The following SULF1 variants were observed in gnomAD, a reference collection of about 807,000 sequenced individuals.
The protein encoded by SULF1 is extracellular sulfatase Sulf-1.
In SULF1, 46 loss-of-function variants were observed where a neutral mutation model predicts 110.5. That is an observed-to-expected ratio of 0.42 (90% CI 0.33 to 0.53). The LOEUF is 0.53. Among genes scored for constraint, SULF1 ranks in the 20% least tolerant of loss-of-function variants. The probability of loss-of-function intolerance (pLI) is 0.12; values close to 1 mark genes in which losing one functional copy is unlikely to be tolerated. For missense variants in SULF1, 941 were observed against 1,094.2 expected, an observed-to-expected ratio of 0.86 and a Z score of 1.98; for synonymous variants, 371 against 387.1, an observed-to-expected ratio of 0.96 and a Z score of 0.49.
intron 19 of SULF1, among the ~76,000 whole-genome samples, chr8:69,632,732 C>T (rs996849998): frequency 1.3e-5 from 2 of 151,914 alleles, no homozygotes; most frequent in African/African-American, 2.4e-5. Flanking sequence ...TGAAAATATA[C>T]AAAATAAAAA....
At chr8:69,629,731 C>T (rs1810375553) in intron 19 of SULF1, 52 bp downstream of exon 19, 2 of 1,448,774 alleles carry the variant, frequency 1.4e-6, no homozygotes, top group Non-Finnish European at 1.9e-6. Flanking sequence ...GAGACAGCGA[C>T]TCATAACTTA....
At chr8:69,494,592 A>G (rs1810195038) in intron 1 of SULF1, among the ~76,000 whole-genome samples, 1 of 152,236 alleles carries the variant, frequency 6.6e-6, no homozygotes, top group Non-Finnish European at 1.5e-5. Context: ...TCAACACTAA[A>G]TTCTATACTT....
intron 8 of SULF1, among the ~76,000 whole-genome samples, chr8:69,597,858 C>A (rs1807463932): frequency 6.6e-6 from 1 of 152,132 alleles, no homozygotes; most frequent in Non-Finnish European, 1.5e-5. Context: ...TTTCTCAGGG[C>A]ATGTAATGGT....
intron 13 of SULF1, among the ~76,000 whole-genome samples, chr8:69,612,490 T>C (rs145504617): frequency 7.6e-4 from 112 of 147,882 alleles, no homozygotes; most frequent in African/African-American, 2.7e-3. Flanking sequence ...GTGTTCCTTT[T>C]TGCCACATTC....
At chr8:69,644,520 T>A (rs1563626054) in intron 22 of SULF1, among the ~76,000 whole-genome samples, 1 of 151,724 alleles carries the variant, frequency 6.6e-6, no homozygotes, top group Non-Finnish European at 1.5e-5. Context: ...AATTGATCAC[T>A]CTCCCAGAAC....
chr8:69,576,344 T>A (rs1805610227), intron 6 of SULF1, 135 bp downstream of exon 6: 1 of 1,005,050 alleles, frequency 9.9e-7, no homozygotes, highest in Non-Finnish European at 1.5e-6. Flanking sequence ...CTGCTTGACA[T>A]CTACCCCAGG....
intron 21 of SULF1, among the ~76,000 whole-genome samples, chr8:69,639,849 C>T (rs1811326259): frequency 6.6e-6 from 1 of 152,158 alleles, no homozygotes; most frequent in African/African-American, 2.4e-5. Context: ...ATCTCCTTTC[C>T]ACTGCAGGGT....
chr8:69,491,339 T>G (rs1435050865), upstream of SULF1, among the ~76,000 whole-genome samples: 1 of 152,220 alleles, frequency 6.6e-6, no homozygotes, highest in Non-Finnish European at 1.5e-5. Flanking sequence ...GAGCTGCTGT[T>G]GTGATAGCAC....
At chr8:69,560,125 G>A (rs931392346) in intron 3 of SULF1, among the ~76,000 whole-genome samples, 1 of 152,142 alleles carries the variant, frequency 6.6e-6, no homozygotes, top group African/African-American at 2.4e-5. Flanking sequence ...TTTGGACATT[G>A]CTGCTGTGGA....
intron 19 of SULF1, among the ~76,000 whole-genome samples, chr8:69,630,335 C>T (rs189054784): frequency 6.6e-6 from 1 of 152,290 alleles, no homozygotes; most frequent in Admixed American, 6.5e-5. Flanking sequence ...TATAGTACAT[C>T]CTCTGATTGA....
At chr8:69,642,314 CA>C (rs1255807059) in intron 22 of SULF1, 12 of 987,058 alleles carry the variant, frequency 1.2e-5, no homozygotes, top group Non-Finnish European at 1.4e-5. Context: ...GTCATTAGTC[CA>C]CCAAGAAGCC....
intron 16 of SULF1, 24 bp from the exon 17 acceptor site, chr8:69,627,748 A>G: frequency 2.7e-6 from 4 of 1,489,024 alleles, no homozygotes; most frequent in South Asian, 1.2e-5. Context: ...TTAATACGTA[A>G]GTGCTTGAAA....
intron 1 of SULF1, among the ~76,000 whole-genome samples, chr8:69,486,878 A>G (rs1809735538): frequency 6.6e-6 from 1 of 152,202 alleles, no homozygotes; most frequent in Admixed American, 6.5e-5. Context: ...ATAAGGTATT[A>G]CTACTGTTGT....
chr8:69,602,196 C>T (rs1807879048), intron 10 of SULF1, among the ~76,000 whole-genome samples: 1 of 151,814 alleles, frequency 6.6e-6, no homozygotes, highest in South Asian at 2.1e-4. Context: ...TAGTGTTTAA[C>T]TTTTAAAAAT....
intron 1 of SULF1, chr8:69,473,207 T>G (rs2704031): frequency 0.35 from 53,074 of 152,070 alleles, 10,293 homozygotes; most frequent in African/African-American, 0.53. Flanking sequence ...AATTTTTCTT[T>G]TGCTGTTTTA....
At chr8:69,501,138 A>G (rs946876959) in intron 2 of SULF1, among the ~76,000 whole-genome samples, 12 of 152,242 alleles carry the variant, frequency 7.9e-5, no homozygotes, top group Admixed American at 2.6e-4. Context: ...TAATATTTAC[A>G]TGGGCATGAT....
intron 5 of SULF1, 43 bp from the exon 6 acceptor site, chr8:69,575,927 T>G (rs888246469): frequency 1.3e-6 from 2 of 1,599,938 alleles, no homozygotes; most frequent in African/African-American, 2.7e-5. Flanking sequence ...TAGGCATTCA[T>G]GTGCTGCACT....
chr8:69,605,608 A>G (rs1057375001), intron 13 of SULF1, among the ~76,000 whole-genome samples: 5 of 152,236 alleles, frequency 3.3e-5, no homozygotes, highest in Non-Finnish European at 2.9e-5. Flanking sequence ...GAAAGTGAGT[A>G]CGTATGAATT....
At chr8:69,504,073 C>T (rs62512976) in intron 3 of SULF1, among the ~76,000 whole-genome samples, 48,838 of 151,916 alleles carry the variant, frequency 0.32, 8,171 homozygotes, top group Non-Finnish European at 0.37. Flanking sequence ...GCTGGGATTA[C>T]AGGCGTGAGC....
Sources: allele counts gnomAD v4.1 joint callset (sites outside exome capture counted in the v4.1 genomes callset), GRCh38; gene constraint gnomAD v4.1.1; transcripts MANE v1.5; gene names NCBI Gene and HGNC (gene_info 2026-07-23, HGNC 2026-07-21).